The following MEGF10 variants were observed in gnomAD, a reference collection of about 807,000 sequenced individuals.
MEGF10 encodes multiple epidermal growth factor-like domains protein 10.
Under a neutral mutation model 147.5 loss-of-function variants are expected in MEGF10, and 86 were observed. The ratio of observed to expected loss-of-function variants is 0.58; its 90% CI spans 0.49 to 0.70. MEGF10 has a LOEUF of 0.70. MEGF10 is among the 30% of genes least tolerant of loss of function. The probability of loss-of-function intolerance (pLI) is 0.00; values close to 1 mark genes in which losing one functional copy is unlikely to be tolerated. For synonymous variants in MEGF10, 478 were observed against 525.5 expected, an observed-to-expected ratio of 0.91 and a Z score of 1.24; for missense variants, 1,329 against 1,487.3, an observed-to-expected ratio of 0.89 and a Z score of 1.75.
Position 127,317,641 on chromosome 5 carries a change from A to G in MEGF10, c.-18-13650A>G, listed in dbSNP as rs144703446. ...TGGAAACCATCATTCTGAGCAAACT[A>G]TCACAAGGACAGAAAACCAAACACC... On this transcript the variant is annotated intron_variant, in intron 1 of 24. Transcript: ENST00000503335. Among the ~76,000 whole-genome samples, 511 of 152,320 alleles carry G rather than the reference A, an allele frequency of 3.4e-3. 2 individuals carry two copies. In the Middle Eastern group the frequency reaches 0.061, roughly 18 times the overall value.
chr5:127,454,009 C>T (rs557159459), intron 22 of MEGF10, among the ~76,000 whole-genome samples: 12 of 152,232 alleles, frequency 7.9e-5, no homozygotes, highest in African/African-American at 2.9e-4. Context: ...TGTATCTAGG[C>T]TCATACACAA....
chr5:127,320,512 C>G (rs770476064), intron 1 of MEGF10, among the ~76,000 whole-genome samples: 2 of 152,154 alleles, frequency 1.3e-5, no homozygotes, highest in African/African-American at 2.4e-5. Flanking sequence ...GGCACTTTAT[C>G]TACTGAAACA....
chr5:127,350,509 T>A (rs1456489023), intron 4 of MEGF10, among the ~76,000 whole-genome samples: 1 of 152,024 alleles, frequency 6.6e-6, no homozygotes. Flanking sequence ...TCTTCCTCCT[T>A]TTGTCTCTCC....
chr5:127,399,491 A>G (rs934010577), intron 7 of MEGF10, among the ~76,000 whole-genome samples: 2 of 152,186 alleles, frequency 1.3e-5, no homozygotes, highest in African/African-American at 2.4e-5. Flanking sequence ...TGTCTGCTTG[A>G]AGGCAGATGA....
intron 5 of MEGF10, among the ~76,000 whole-genome samples, chr5:127,373,081 T>TTTTGGG (rs1425651810): frequency 6.6e-6 from 1 of 152,204 alleles, no homozygotes; most frequent in East Asian, 1.9e-4. Context: ...TTATTTGACA[T>TTTTGGG]TTTGGGTTAT....
chr5:127,323,608 G>C (rs1301716579), intron 1 of MEGF10, among the ~76,000 whole-genome samples: 1 of 152,192 alleles, frequency 6.6e-6, no homozygotes, highest in Non-Finnish European at 1.5e-5. Flanking sequence ...ACTAATTTTG[G>C]TATGACATAC....
At chr5:127,267,642 T>C in the MEGF10 span, among the ~76,000 whole-genome samples, 2 of 152,212 alleles carry the variant, frequency 1.3e-5, no homozygotes, top group African/African-American at 4.8e-5. Flanking sequence ...ATTCCTGGTT[T>C]AATCTTGGGA....
At chr5:127,379,064 CTT>C (rs35798578) in intron 5 of MEGF10, among the ~76,000 whole-genome samples, 3,362 of 121,438 alleles carry the variant, frequency 0.028, 61 homozygotes, top group Middle Eastern at 0.11. Context: ...ATTGATTTTT[CTT>C]TTTTTTTTTT....
chr5:127,411,571 C>G (rs77264047), intron 9 of MEGF10, among the ~76,000 whole-genome samples: 89 of 151,162 alleles, frequency 5.9e-4, no homozygotes, highest in Admixed American at 5.5e-3. Flanking sequence ...TGTGTGTGTG[C>G]GCGCATATGT....
intron 24 of MEGF10, among the ~76,000 whole-genome samples, chr5:127,456,157 G>A (rs11743165): frequency 0.032 from 4,931 of 152,186 alleles, 83 homozygotes; most frequent in Middle Eastern, 0.051. Flanking sequence ...CTACTTAGCC[G>A]AAACAAATGG....
chr5:127,306,757 AAGCGG>A (rs1407818466), intron 1 of MEGF10, among the ~76,000 whole-genome samples: 1 of 152,232 alleles, frequency 6.6e-6, no homozygotes, highest in African/African-American at 2.4e-5. Flanking sequence ...AGTCCAGGCG[AAGCGG>A]AGCTACCTAA....
At chr5:127,242,938 C>T in the MEGF10 span, among the ~76,000 whole-genome samples, 24 of 152,106 alleles carry the variant, frequency 1.6e-4, no homozygotes, top group Admixed American at 1.4e-3. Context: ...AGCCTGACTT[C>T]GCCCTATCAC....
chr5:127,447,762 T>C (rs1225541487), intron 21 of MEGF10, 78 bp downstream of exon 21: 4 of 1,563,088 alleles, frequency 2.6e-6, no homozygotes, highest in Middle Eastern at 1.7e-4. Flanking sequence ...AGGGCCGCTG[T>C]TCACCAGAGG....
chr5:127,307,205 A>G (rs1460501422), intron 1 of MEGF10, among the ~76,000 whole-genome samples: 1 of 152,192 alleles, frequency 6.6e-6, no homozygotes, highest in Non-Finnish European at 1.5e-5. Flanking sequence ...GCTTTGCCAC[A>G]CCATATGATG....
At chr5:127,440,499 G>T (rs1472129927) in intron 17 of MEGF10, among the ~76,000 whole-genome samples, 1 of 152,122 alleles carries the variant, frequency 6.6e-6, no homozygotes, top group Non-Finnish European at 1.5e-5. Context: ...ACCAGTGATG[G>T]TTACACTGAC....
chr5:127,380,866 G>T (rs756786533), intron 5 of MEGF10, among the ~76,000 whole-genome samples: 2 of 152,128 alleles, frequency 1.3e-5, no homozygotes, highest in Non-Finnish European at 2.9e-5. Context: ...GCCATAGACT[G>T]GTAGCTGCAA....
rs1766501885 is a variant in MEGF10, at chr5:127,459,893, T to C, written c.*2575T>C. On this transcript the variant is annotated 3_prime_UTR_variant, in exon 25 of 25. Transcript: ENST00000503335. ...GCAAAATTTTCTAAATATTTTGATA[T>C]CAATTTGGGTAAAGAAAGGAATACT... 1.3e-5 allele frequency: 2 copies of C among 152,214 alleles called. No homozygotes were observed. Among genetic ancestry groups the C allele is most frequent in the South Asian group, 2.1e-4 (1 of 4,828 alleles). The allele number at this position is 152,214 out of a possible 1,614,324, so 9.4% of individuals were successfully genotyped here. A position where few individuals can be genotyped will look rare whatever the true frequency, so the allele number is the denominator to read the frequency against.
chr5:127,266,686 G>T, the MEGF10 span, among the ~76,000 whole-genome samples: 2 of 152,082 alleles, frequency 1.3e-5, no homozygotes, highest in African/African-American at 2.4e-5. Flanking sequence ...TGAAGCAATT[G>T]TGAATGGGAG....
At chr5:127,437,437 A>T (rs1323109944) in intron 16 of MEGF10, among the ~76,000 whole-genome samples, 1 of 152,100 alleles carries the variant, frequency 6.6e-6, no homozygotes, top group Admixed American at 6.5e-5. Context: ...ATTATGGAAG[A>T]ATTTTTTTCA....
Sources: gnomAD v4.1 joint callset for allele counts (sites outside exome capture counted in the v4.1 genomes callset) on GRCh38, gnomAD v4.1.1 for gene constraint, MANE v1.5 for transcripts, NCBI Gene and HGNC (gene_info 2026-07-23, HGNC 2026-07-21) for gene names.